TAOK3: variants seen among roughly 807,000 people sequenced by gnomAD.
TAOK3 encodes the protein serine/threonine-protein kinase TAO3.
TAOK3 carries 40 observed loss-of-function variants against 120.4 expected under a neutral mutation model. That is an observed-to-expected ratio of 0.33 (90% CI 0.26 to 0.43). The LOEUF is 0.43. Among genes scored for constraint, TAOK3 ranks in the 20% least tolerant of loss-of-function variants. The pLI is 1.00. For synonymous variants in TAOK3, 355 were observed against 387.5 expected, an observed-to-expected ratio of 0.92 and a Z score of 0.99; for missense variants, 821 against 1,112.1, an observed-to-expected ratio of 0.74 and a Z score of 3.72.
At chr12:118,370,583 G>C (rs983274270) in intron 1 of TAOK3, among the ~76,000 whole-genome samples, 2 of 152,122 alleles carry the variant, frequency 1.3e-5, no homozygotes, top group Admixed American at 1.3e-4. Context: ...CAGTCCAAGA[G>C]GTGAGGAGAT....
chr12:118,252,707 C>A (rs961028318), intron 3 of TAOK3, among the ~76,000 whole-genome samples: 6 of 150,928 alleles, frequency 4.0e-5, no homozygotes, highest in African/African-American at 7.3e-5. Flanking sequence ...AAGAAATTAG[C>A]ACCCTTTTTT....
chr12:118,357,919 G>GC (rs2045461864), intron 1 of TAOK3, among the ~76,000 whole-genome samples: 1 of 152,018 alleles, frequency 6.6e-6, no homozygotes, highest in South Asian at 2.1e-4. Context: ...AAAGAATAGC[G>GC]CCCCCATTAG....
At chr12:118,151,866 A>G (rs184199847) in intron 20 of TAOK3, among the ~76,000 whole-genome samples, 1 of 152,240 alleles carries the variant, frequency 6.6e-6, no homozygotes, top group Admixed American at 6.5e-5. Flanking sequence ...TGAAAAGTCA[A>G]ATCTATTGTA....
intron 2 of TAOK3, among the ~76,000 whole-genome samples, chr12:118,257,214 T>C (rs990740321): frequency 6.6e-6 from 1 of 152,210 alleles, no homozygotes. Flanking sequence ...ATGTGGTATA[T>C]TCATATAGAA....
intron 17 of TAOK3, among the ~76,000 whole-genome samples, 171 bp from the exon 18 acceptor site, chr12:118,162,198 T>TTAA (rs1198449063): frequency 5.9e-5 from 9 of 152,092 alleles, no homozygotes; most frequent in Non-Finnish European, 1.2e-4. Context: ...TCTCTTCAGG[T>TTAA]TTAGGTTCTG....
chr12:118,282,604 C>T (rs1025149246), intron 1 of TAOK3, among the ~76,000 whole-genome samples: 11 of 152,190 alleles, frequency 7.2e-5, no homozygotes, highest in Non-Finnish European at 1.5e-4. Context: ...TAAGATAGCT[C>T]ATAGAATGAA....
intron 8 of TAOK3, among the ~76,000 whole-genome samples, chr12:118,235,357 C>T (rs1335530973): frequency 6.6e-6 from 1 of 152,192 alleles, no homozygotes; most frequent in African/African-American, 2.4e-5. Context: ...ACCTTAACTA[C>T]ACAATTTAAA....
At chr12:118,210,613 C>A (rs2038572186) in intron 11 of TAOK3, among the ~76,000 whole-genome samples, 1 of 152,162 alleles carries the variant, frequency 6.6e-6, no homozygotes. Flanking sequence ...ATGTTACCTC[C>A]TCGAACGGCC....
intron 1 of TAOK3, among the ~76,000 whole-genome samples, chr12:118,350,438 T>C (rs2045085303): frequency 1.3e-5 from 2 of 152,228 alleles, no homozygotes; most frequent in African/African-American, 2.4e-5. Flanking sequence ...TAGAGGTTCG[T>C]TGAGATACTC....
chr12:118,186,423 C>G (rs1301523783), intron 14 of TAOK3, among the ~76,000 whole-genome samples: 1 of 152,128 alleles, frequency 6.6e-6, no homozygotes, highest in African/African-American at 2.4e-5. Flanking sequence ...CCAGACACTA[C>G]AAAGTTTTCA....
intron 1 of TAOK3, among the ~76,000 whole-genome samples, chr12:118,370,925 A>G (rs1458196698): frequency 6.6e-6 from 1 of 152,192 alleles, no homozygotes; most frequent in East Asian, 1.9e-4. Flanking sequence ...CTAAAGCTCA[A>G]TCCTGGCAGC....
At chr12:118,331,645 C>CAAAAAAAAAA (rs57291591) in intron 1 of TAOK3, among the ~76,000 whole-genome samples, 3 of 48,006 alleles carry the variant, frequency 6.2e-5, no homozygotes, top group Non-Finnish European at 9.5e-5. Context: ...ACTCTTATCT[C>CAAAAAAAAAA]AAAAAAAAAA....
At chr12:118,322,923 G>C (rs1438393061) in intron 1 of TAOK3, among the ~76,000 whole-genome samples, 1 of 151,538 alleles carries the variant, frequency 6.6e-6, no homozygotes, top group Non-Finnish European at 1.5e-5. Flanking sequence ...TGTTGGCCAG[G>C]CTGGTCTTGA....
chr12:118,156,504 A>G (rs2034834008), intron 19 of TAOK3, among the ~76,000 whole-genome samples: 1 of 152,036 alleles, frequency 6.6e-6, no homozygotes, highest in African/African-American at 2.4e-5. Context: ...AAAAGCCTCA[A>G]TTACCATCTA....
intron 19 of TAOK3, among the ~76,000 whole-genome samples, chr12:118,155,586 A>G (rs1225521565): frequency 1.3e-5 from 2 of 152,224 alleles, no homozygotes; most frequent in Non-Finnish European, 2.9e-5. Context: ...GATGTTTAAC[A>G]TTGATTGTAC....
chr12:118,296,974 T>C (rs893804369), intron 1 of TAOK3: 1 of 152,214 alleles, frequency 6.6e-6, no homozygotes, highest in African/African-American at 2.4e-5. Context: ...GGACATGAAC[T>C]CTTTCCTTTG....
rs563252705 is a variant in TAOK3, at chr12:118,256,560, G to A, written c.-88-905C>T. On this transcript the variant is annotated intron_variant, in intron 2 of 20. Coordinates refer to ENST00000392533, the MANE Select transcript of TAOK3 (RefSeq NM_016281.4). Reference sequence around the variant, plus strand: ...CAAAATGTGGTATATCCATATAATGGAATATTATTCAGCAGTAAAAAGGAA... The same window carrying A: ...CAAAATGTGGTATATCCATATAATGAAATATTATTCAGCAGTAAAAAGGAA... Among the ~76,000 whole-genome samples, 4 of 152,210 alleles carry A rather than the reference G, an allele frequency of 2.6e-5. No homozygotes were observed. The East Asian group carries it at 7.7e-4, about 29-fold the overall frequency.
At chr12:118,212,479 A>G (rs1230650874) in intron 11 of TAOK3, among the ~76,000 whole-genome samples, 1 of 152,230 alleles carries the variant, frequency 6.6e-6, no homozygotes, top group Non-Finnish European at 1.5e-5. Flanking sequence ...TACTCTATAT[A>G]GTTATCATAC....
chr12:118,258,122 T>C (rs2041066973), intron 2 of TAOK3, among the ~76,000 whole-genome samples: 2 of 152,144 alleles, frequency 1.3e-5, no homozygotes, highest in South Asian at 4.1e-4. Flanking sequence ...TCAATATGAA[T>C]TGTATGGGAG....
Sources: gnomAD v4.1 joint callset for allele counts (sites outside exome capture counted in the v4.1 genomes callset) on GRCh38, gnomAD v4.1.1 for gene constraint, MANE v1.5 for transcripts, NCBI Gene and HGNC (gene_info 2026-07-23, HGNC 2026-07-21) for gene names.